Variants in PARP1 observed in about 807,000 individuals in gnomAD.
PARP1 encodes the protein poly(ADP-ribose) polymerase 1.
PARP1 carries 44 observed loss-of-function variants against 118.7 expected under a neutral mutation model. That is an observed-to-expected ratio of 0.37 (90% CI 0.29 to 0.48). The LOEUF is 0.48. Among genes scored for constraint, PARP1 ranks in the 20% least tolerant of loss-of-function variants. PARP1 has a pLI of 0.99. For synonymous variants in PARP1, 492 were observed against 483.2 expected, an observed-to-expected ratio of 1.02 and a Z score of -0.24; for missense variants, 1,100 against 1,272.4, an observed-to-expected ratio of 0.86 and a Z score of 2.06.
At chr1:226,407,160 C>T (rs910124751) in intron 1 of PARP1, among the ~76,000 whole-genome samples, 1 of 152,144 alleles carries the variant, frequency 6.6e-6, no homozygotes, top group Non-Finnish European at 1.5e-5. Context: ...TGGAGCCACT[C>T]TTACTCAAAC....
At chr1:226,387,171 C>T (rs532311989) in intron 5 of PARP1, among the ~76,000 whole-genome samples, 5 of 152,252 alleles carry the variant, frequency 3.3e-5, no homozygotes, top group African/African-American at 7.2e-5. Context: ...TTAATAGAAA[C>T]GGTGTTTCAC....
rs185169180 is a variant in PARP1, at chr1:226,402,968, G to A, written c.121-589C>T. Reference sequence around the variant, plus strand: ...GCTTGCAGCAGCCACACAGATGGGAGTGGAATGAATGGAGGTCTTTGAGGC... The same window carrying A: ...GCTTGCAGCAGCCACACAGATGGGAATGGAATGAATGGAGGTCTTTGAGGC... On this transcript the variant is annotated intron_variant, in intron 1 of 22. Transcript: ENST00000366794. Among the ~76,000 whole-genome samples the A allele has an allele frequency of 5.2e-5, 8 of 152,382 alleles. No individual in the cohort carries two copies. The East Asian group carries it at 9.6e-4, about 18-fold the overall frequency.
intron 5 of PARP1, among the ~76,000 whole-genome samples, chr1:226,387,603 C>G (rs1264399147): frequency 6.6e-6 from 1 of 152,208 alleles, no homozygotes; most frequent in Non-Finnish European, 1.5e-5. Context: ...CACTGGGACA[C>G]CAGGAATGGA....
intron 2 of PARP1, chr1:226,393,034 T>C (rs1004812663): frequency 4.1e-6 from 6 of 1,475,548 alleles, no homozygotes; most frequent in African/African-American, 1.5e-5. Context: ...GTTTGGAAAA[T>C]AGTAAGTAAA....
Position 226,388,564 on chromosome 1 carries a change from G to T in PARP1, c.717+92C>A. The T allele has an allele frequency of 4.5e-6, 4 of 894,428 alleles. No homozygotes were observed. In the Admixed American group the frequency reaches 6.9e-5, roughly 15 times the overall value. The allele number at this position is 894,428 out of a possible 1,614,324, so 55.4% of individuals were successfully genotyped here. A position where few individuals can be genotyped will look rare whatever the true frequency, so the allele number is the denominator to read the frequency against. On this transcript the variant is annotated intron_variant, in intron 5 of 22. Coordinates refer to ENST00000366794, the MANE Select transcript of PARP1 (RefSeq NM_001618.4). Reference sequence around the variant, plus strand: ...ATCAATTTGCTAAAGGTCTTAATAAGTGGGACACAACTCCTTGAATTGTCT... The same window carrying T: ...ATCAATTTGCTAAAGGTCTTAATAATTGGGACACAACTCCTTGAATTGTCT...
chr1:226,387,440 T>A (rs1664736383), intron 5 of PARP1, among the ~76,000 whole-genome samples: 1 of 152,178 alleles, frequency 6.6e-6, no homozygotes, highest in African/African-American at 2.4e-5. Flanking sequence ...GAGACAAAAA[T>A]GCCAGCCCTA....
At chr1:226,392,836 G>A (rs1439227801) in intron 2 of PARP1, 7 of 1,150,196 alleles carry the variant, frequency 6.1e-6, no homozygotes, top group Non-Finnish European at 7.3e-6. Context: ...GAGTTCTGGG[G>A]ATCACTGGCT....
In PARP1 at chr1:226,361,360, A is replaced by ACTACCC; in HGVS notation, c.*94_*99dup. On this transcript the variant is annotated 3_prime_UTR_variant, in exon 23 of 23. Transcript: ENST00000366794. ...CTTTCTGAGGTGGTTTAGTACAGGTACTACCCATCAGCAACTTAGCGGCCA... is the reference window on the plus strand; with the variant it reads ...CTTTCTGAGGTGGTTTAGTACAGGTACTACCCCTACCCATCAGCAACTTAGCGGCCA... 1 of 757,440 alleles carries ACTACCC rather than the reference A, an allele frequency of 1.3e-6. No individual in the cohort carries two copies. Among genetic ancestry groups the ACTACCC allele is most frequent in the Middle Eastern group, 3.5e-4 (1 of 2,872 alleles). 46.9% of individuals were successfully genotyped at this position (757,440 alleles called of 1,614,324 possible).
Position 226,362,048 on chromosome 1 carries a change from T to C in PARP1, c.2884A>G (p.Ile962Val), listed in dbSNP as rs1257694833. The C allele has an allele frequency of 6.2e-7, 1 of 1,613,668 alleles. No homozygotes were observed. Among genetic ancestry groups the C allele is most frequent in the East Asian group, 2.2e-5 (1 of 44,902 alleles). ...GKTTPDPSAN[I>V]SLDGVDVPLG... ...GGAACGTCTACACCATCCAGACTAATGTTAGCTGAAGGATCAGGGGTAGTT... is the reference window on the plus strand; with the variant it reads ...GGAACGTCTACACCATCCAGACTAACGTTAGCTGAAGGATCAGGGGTAGTT... Residue 962 changes from isoleucine to valine, a missense_variant, in exon 22 of 23, where the codon ATT becomes GTT. Coordinates refer to ENST00000366794, the MANE Select transcript of PARP1 (RefSeq NM_001618.4).
chr1:226,367,871 C>T (rs1291149561), intron 16 of PARP1, among the ~76,000 whole-genome samples: 1 of 152,194 alleles, frequency 6.6e-6, no homozygotes, highest in Admixed American at 6.5e-5. Context: ...CATTTGGGAC[C>T]TACAGTGAAG....
intron 12 of PARP1, 90 bp from the exon 13 acceptor site, chr1:226,377,393 G>C: frequency 1.0e-6 from 1 of 981,900 alleles, no homozygotes; most frequent in Non-Finnish European, 1.6e-6. Context: ...CATTCACGTG[G>C]GGAAGAATTT....
At position 226,363,110 on chromosome 1, in the gene PARP1, T is replaced by C. The variant is rs774725249; in HGVS notation, c.2837A>G (p.His946Arg). 1 of 1,613,184 alleles carries C rather than the reference T, an allele frequency of 6.2e-7. No individual in the cohort carries two copies. The highest frequency in any genetic ancestry group is 1.1e-5 in the South Asian group (1 of 91,062). The change falls in exon 21 of 23, where the codon CAC becomes CGC. Residue 946 changes from histidine to arginine, a missense_variant. Physicochemically the swap from His to Arg is conservative, Grantham distance 29. This residue lies in a region of PARP1 where 152 missense variants were observed against 240.6 expected (regional missense o/e 0.63). Coordinates refer to ENST00000366794, the MANE Select transcript of PARP1 (RefSeq NM_001618.4). Reference protein sequence around the residue: ...SHISKLPKGKHSVKGLGKTTP... With the variant: ...SHISKLPKGKRSVKGLGKTTP... Reference sequence around the variant, plus strand: ...TGGAAACACTTTACCTTTGACACTGTGCTTGCCCTTGGGTAACTTGCTGAT... The same window carrying C: ...TGGAAACACTTTACCTTTGACACTGCGCTTGCCCTTGGGTAACTTGCTGAT...
At chr1:226,365,766 C>CAAAAACAAAAACA (rs2102727313) in intron 18 of PARP1, among the ~76,000 whole-genome samples, 188 bp downstream of exon 18, 1 of 61,784 alleles carries the variant, frequency 1.6e-5, no homozygotes, top group East Asian at 3.4e-4. Context: ...GACTCCATGT[C>CAAAAACAAAAACA]AAAAAAAAAA....
At chr1:226,361,900 A>G in intron 22 of PARP1, 69 bp downstream of exon 22, 1 of 930,740 alleles carries the variant, frequency 1.1e-6, no homozygotes, top group Non-Finnish European at 1.8e-6. Flanking sequence ...GTAATCTGAC[A>G]GCACATAAGT....
At chr1:226,380,225 A>T in intron 9 of PARP1, 61 bp from the exon 10 acceptor site, 2 of 1,517,906 alleles carry the variant, frequency 1.3e-6, no homozygotes, top group South Asian at 2.3e-5. Context: ...TGAAACTTCA[A>T]ATTACTACAG....
intron 2 of PARP1, chr1:226,393,080 C>T: frequency 8.9e-7 from 1 of 1,117,628 alleles, no homozygotes; most frequent in Non-Finnish European, 1.2e-6. Context: ...ATTTGATATT[C>T]CTAAGAGATA....
In PARP1 at chr1:226,365,141, T is replaced by C; in HGVS notation, c.2519A>G (p.Glu840Gly). 6.2e-7 allele frequency: 1 copy of C among 1,614,208 alleles called. No individual in the cohort carries two copies. The highest frequency in any genetic ancestry group is 8.5e-7 in the Non-Finnish European group (1 of 1,180,054). Residue 840 changes from glutamate (E) to glycine (G), a missense_variant, in exon 19 of 23, where the codon GAG (glutamate) becomes GGG (glycine). By Grantham distance (98) the Glu-to-Gly change is moderately conservative (BLOSUM62 -2). Around this residue, in one of 2 missense-constraint regions of PARP1, gnomAD observed 152 missense variants for 240.6 expected, o/e 0.63. Coordinates refer to ENST00000366794, the MANE Select transcript of PARP1 (RefSeq NM_001618.4). ...DLEVIDIFKIEREGECQRYKP... is the reference protein window; with the variant it reads ...DLEVIDIFKIGREGECQRYKP... ...GTAACGCTGGCATTCGCCTTCACGC[T>C]CTATCTTAAAGATCTGGTTGGAGTA...
intron 17 of PARP1, 108 bp from the exon 18 acceptor site, chr1:226,366,160 G>A: frequency 5.1e-6 from 4 of 780,538 alleles, no homozygotes; most frequent in South Asian, 4.3e-5. Flanking sequence ...CTCCTCAAAG[G>A]AAGCCGGGCA....
At chr1:226,369,892 G>A (rs1180459437) in intron 15 of PARP1, among the ~76,000 whole-genome samples, 6 of 151,230 alleles carry the variant, frequency 4.0e-5, no homozygotes, top group African/African-American at 1.5e-4. Context: ...GGGGATGGAG[G>A]TTGCAGTGAG....
Sources: allele counts gnomAD v4.1 joint callset (sites outside exome capture counted in the v4.1 genomes callset), GRCh38; gene constraint gnomAD v4.1.1; regional missense constraint gnomAD v4.1.1; transcripts MANE v1.5; gene names NCBI Gene and HGNC (gene_info 2026-07-23, HGNC 2026-07-21).